BCL11B: variants seen among roughly 807,000 people sequenced by gnomAD.
BCL11B encodes the protein BCL11 transcription factor B.
Under a neutral mutation model 49.9 loss-of-function variants are expected in BCL11B, and 8 were observed. The observed-to-expected ratio is 0.16, with a 90% CI of 0.09 to 0.29. The LOEUF is 0.29. BCL11B is among the 10% of genes least tolerant of loss of function. BCL11B has a pLI of 1.00. For missense variants in BCL11B, 1,006 were observed against 1,351.0 expected (o/e 0.74, Z 4.00); for synonymous variants, 739 against 637.4 (o/e 1.16, Z -2.40).
chr14:99,257,903 C>T lies in BCL11B; in HGVS notation c.59-64G>A. On this transcript the variant is annotated intron_variant, in intron 1 of 3. Transcript: ENST00000357195. The surrounding 1 kb of genome is among the most constrained non-coding windows in gnomAD (Gnocchi z 6.2). ...TAGAGATGGGCTTAGGCGGTCACAG[C>T]ACCCAACTTCCGGTCCACCCCTTCC... 15 of 1,435,478 alleles carry T rather than the reference C, an allele frequency of 1.0e-5. No homozygotes were observed. Among genetic ancestry groups the T allele is most frequent in the Non-Finnish European group, 1.4e-5 (15 of 1,091,498 alleles). The allele number at this position is 1,435,478 out of a possible 1,614,324, so 88.9% of individuals were successfully genotyped here.
At chr14:99,253,489 G>A (rs1386674165) in intron 2 of BCL11B, among the ~76,000 whole-genome samples, 2 of 152,138 alleles carry the variant, frequency 1.3e-5, no homozygotes, top group Admixed American at 1.3e-4. Context: ...CCTATTTGCA[G>A]CACACCTACC....
rs1275580519 is a variant in BCL11B at position 99,195,072 on chromosome 14, T to C, written c.641-18877A>G. Among the ~76,000 whole-genome samples, 1 of 152,208 alleles carries C rather than the reference T, an allele frequency of 6.6e-6. No individual in the cohort carries two copies. Among genetic ancestry groups the C allele is most frequent in the African/African-American group, 2.4e-5 (1 of 41,458 alleles). The stretch of plus-strand genomic sequence containing the variant: ...TGCCCAGCATGCAGAAAGGGCTTCC[T>C]GAGGTCGCACAGCCCAAGGATGAGG... On this transcript the variant is annotated intron_variant, in intron 3 of 3. Coordinates refer to ENST00000357195, the MANE Select transcript of BCL11B (RefSeq NM_138576.4). This position sits in a 1 kb window ranked among gnomAD's most constrained non-coding sequence, Gnocchi z 4.7.
rs930476835 is a variant in BCL11B, at chr14:99,231,959, C to T, written c.428-402G>A. Among the ~76,000 whole-genome samples, 1 of 152,098 alleles carries T rather than the reference C, an allele frequency of 6.6e-6. No homozygotes were observed. The highest frequency in any genetic ancestry group is 1.5e-5 in the Non-Finnish European group (1 of 67,982). ...TTTCCAAAACTTCGGGCTACCCCTC[C>T]CTGGAAGAGCTGGGAAGCTCACAGC... On this transcript the variant is annotated intron_variant, in intron 2 of 3. Transcript: ENST00000357195. This position sits in a 1 kb window ranked among gnomAD's most constrained non-coding sequence, Gnocchi z 8.1.
chr14:99,182,689 G>A (rs114329949), intron 3 of BCL11B, among the ~76,000 whole-genome samples: 276 of 152,280 alleles, frequency 1.8e-3, no homozygotes, highest in African/African-American at 6.4e-3. Flanking sequence ...CTCCTCTGGT[G>A]GTAATGTGCT....
Position 99,174,537 on chromosome 14 carries a change from G to A in BCL11B, c.2299C>T (p.Arg767Cys). ...CTGCCTCCGCTGGCCGTGCCGCTGC[G>A]GCCCGAGAGGCCGCCGTCCAGCAGG... The part of the protein sequence containing the change: ...GDLLDGGLSG[R>C]SGTASGGSTP... Residue 767 changes from arginine to cysteine, a missense_variant, in exon 4 of 4, where the codon CGC becomes TGC. Physicochemically the swap from Arg to Cys is radical, Grantham distance 180. This residue lies in a region of BCL11B where 443 missense variants were observed against 499.7 expected (regional missense o/e 0.89). Transcript: ENST00000357195. 2 of 1,511,574 alleles carry A rather than the reference G, an allele frequency of 1.3e-6. No individual in the cohort carries two copies. Among genetic ancestry groups the A allele is most frequent in the Non-Finnish European group, 1.8e-6 (2 of 1,132,254 alleles). 93.6% of individuals were successfully genotyped at this position (1,511,574 alleles called of 1,614,324 possible). A position where few individuals can be genotyped will look rare whatever the true frequency, so the allele number is the denominator to read the frequency against.
At position 99,271,286 on chromosome 14, in the gene BCL11B, C is replaced by G. The variant is rs912022613; in HGVS notation, c.-68G>C. The G allele has an allele frequency of 6.2e-5, 71 of 1,136,658 alleles. No homozygotes were observed. The East Asian group carries it at 9.6e-4, about 15-fold the overall frequency. 70.4% of individuals were successfully genotyped at this position (1,136,658 alleles called of 1,614,324 possible). Reference sequence around the variant, plus strand: ...ATGGGGGGAGCCGGGGGAGGGGGTCCGAGCCGCCGCCGCGCCGCTGCCGCC... The same window carrying G: ...ATGGGGGGAGCCGGGGGAGGGGGTCGGAGCCGCCGCCGCGCCGCTGCCGCC... On this transcript the variant is annotated 5_prime_UTR_variant, in exon 1 of 4. Transcript: ENST00000357195.
Position 99,238,690 on chromosome 14 carries a change from C to T in BCL11B, c.428-7133G>A, listed in dbSNP as rs903960182. ...TTGGACTCTTCTTTTGCTTGTCTCT[C>T]GGGGAAAATCCTGCAGTGTTCCGAA... is the stretch of plus-strand genomic sequence containing the variant. On this transcript the variant is annotated intron_variant, in intron 2 of 3. Coordinates refer to ENST00000357195, the MANE Select transcript of BCL11B (RefSeq NM_138576.4). Among the ~76,000 whole-genome samples the T allele has an allele frequency of 4.6e-5, 7 of 152,256 alleles. No homozygotes were observed. In the East Asian group the frequency reaches 9.7e-4, roughly 21 times the overall value.
chr14:99,236,763 C>A (rs991087252), intron 2 of BCL11B, among the ~76,000 whole-genome samples: 1 of 152,132 alleles, frequency 6.6e-6, no homozygotes, highest in South Asian at 2.1e-4. Flanking sequence ...TCTTCAGGGC[C>A]GTGAGGAAAA....
At position 99,231,199 on chromosome 14, in the gene BCL11B, A is replaced by T. The variant is rs1384738616; in HGVS notation, c.640+146T>A. ...GGCCCTGGCTCATAGTTCAGCGAAC[A>T]TTCTTTACCACTTCCCCTGGCACCC... On this transcript the variant is annotated intron_variant, in intron 3 of 3. Coordinates refer to ENST00000357195, the MANE Select transcript of BCL11B (RefSeq NM_138576.4). This position sits in a 1 kb window ranked among gnomAD's most constrained non-coding sequence, Gnocchi z 8.1. 1.1e-6 allele frequency: 1 copy of T among 890,008 alleles called. No homozygotes were observed. The highest frequency in any genetic ancestry group is 1.7e-5 in the African/African-American group (1 of 58,680). 55.1% of individuals were successfully genotyped at this position (890,008 alleles called of 1,614,324 possible).
chr14:99,231,956 C>T lies in BCL11B; in HGVS notation c.428-399G>A, dbSNP rs1440698143. Among the ~76,000 whole-genome samples, 23 of 152,098 alleles carry T rather than the reference C, an allele frequency of 1.5e-4. No homozygotes were observed. The highest frequency in any genetic ancestry group is 1.5e-3 in the Admixed American group (23 of 15,286). ...TTGTTTCCAAAACTTCGGGCTACCC[C>T]TCCCTGGAAGAGCTGGGAAGCTCAC... On this transcript the variant is annotated intron_variant, in intron 2 of 3. Transcript: ENST00000357195. The surrounding 1 kb of genome is among the most constrained non-coding windows in gnomAD (Gnocchi z 8.1).
rs1318261849 is a variant in BCL11B at position 99,175,010 on chromosome 14, T to C, written c.1826A>G (p.Gln609Arg). 3.8e-6 allele frequency: 6 copies of C among 1,591,318 alleles called. No homozygotes were observed. The highest frequency in any genetic ancestry group is 1.4e-5 in the African/African-American group (1 of 73,920). ...CTTGTCGGCCAGGAGCTCGCCGTAC[T>C]GCGGCAGTGCGCCTAGGCCCACGTT... ...MENVGLGALP[Q>R]YGELLADKQK... Residue 609 changes from glutamine to arginine, a missense_variant, in exon 4 of 4, where the codon CAG (glutamine) becomes CGG (arginine). Physicochemically the swap from Gln to Arg is conservative, Grantham distance 43. This residue lies in a region of BCL11B where 443 missense variants were observed against 499.7 expected (regional missense o/e 0.89). Coordinates refer to ENST00000357195, the MANE Select transcript of BCL11B (RefSeq NM_138576.4).
At chr14:99,216,690 G>T (rs150069005) in intron 3 of BCL11B, among the ~76,000 whole-genome samples, 7 of 152,180 alleles carry the variant, frequency 4.6e-5, no homozygotes, top group Non-Finnish European at 1.0e-4. Flanking sequence ...GTTCAGGGAA[G>T]AAAAATAATC....
At chr14:99,178,915 T>A (rs992121233) in intron 3 of BCL11B, among the ~76,000 whole-genome samples, 1 of 152,192 alleles carries the variant, frequency 6.6e-6, no homozygotes, top group Non-Finnish European at 1.5e-5. Context: ...TTTCATCATC[T>A]CTGTTTCCCT....
rs959619646 is a variant in BCL11B, at chr14:99,213,007, C to T, written c.640+18338G>A. On this transcript the variant is annotated intron_variant, in intron 3 of 3. Coordinates refer to ENST00000357195, the MANE Select transcript of BCL11B (RefSeq NM_138576.4). This position sits in a 1 kb window ranked among gnomAD's most constrained non-coding sequence, Gnocchi z 5.1. ...GGATAAAATAACATCACTGAGGGAA[C>T]AAAACCAAGCCTGTCTCCACCTTCA... Among the ~76,000 whole-genome samples the T allele has an allele frequency of 2.6e-5, 4 of 152,188 alleles. No individual in the cohort carries two copies. Among genetic ancestry groups the T allele is most frequent in the African/African-American group, 9.7e-5 (4 of 41,450 alleles).
rs559310806 is a variant in BCL11B, at chr14:99,265,460, C to T, written c.58+5701G>A. ...GTCTCCAACGGACAAGAACCTGACC[C>T]CCTCCCATTCCCTCCCCCATATATT... On this transcript the variant is annotated intron_variant, in intron 1 of 3. Transcript: ENST00000357195. Among the ~76,000 whole-genome samples, 4 of 152,092 alleles carry T rather than the reference C, an allele frequency of 2.6e-5. No homozygotes were observed. In the East Asian group the frequency reaches 5.8e-4, roughly 22 times the overall value.
intron 2 of BCL11B, among the ~76,000 whole-genome samples, chr14:99,252,796 A>G (rs1889045634): frequency 6.6e-6 from 1 of 152,222 alleles, no homozygotes; most frequent in South Asian, 2.1e-4. Context: ...CTCCCTCTGT[A>G]GCTTCATTTG....
chr14:99,179,369 G>A (rs957479215), intron 3 of BCL11B, among the ~76,000 whole-genome samples: 4 of 151,256 alleles, frequency 2.6e-5, no homozygotes, highest in Non-Finnish European at 4.4e-5. Flanking sequence ...AGCTACTCAG[G>A]AGGCTGAGGC....
intron 3 of BCL11B, among the ~76,000 whole-genome samples, chr14:99,204,512 T>C (rs1887478755): frequency 6.6e-6 from 1 of 152,046 alleles, no homozygotes; most frequent in Admixed American, 6.6e-5. Context: ...TATCATTCAC[T>C]CCACAGTGCT....
At chr14:99,188,669 G>A (rs1333439338) in intron 3 of BCL11B, among the ~76,000 whole-genome samples, 1 of 152,194 alleles carries the variant, frequency 6.6e-6, no homozygotes, top group Non-Finnish European at 1.5e-5. Context: ...GCCATAGGGA[G>A]AGGTCTGAGG....
Sources: gnomAD v4.1 joint callset for allele counts (sites outside exome capture counted in the v4.1 genomes callset) on GRCh38, gnomAD v4.1.1 for gene constraint, gnomAD v4.1.1 regional missense constraint, Gnocchi (gnomAD v3.1) non-coding constraint, MANE v1.5 for transcripts, NCBI Gene and HGNC (gene_info 2026-07-23, HGNC 2026-07-21) for gene names.